The following FNBP4 variants were observed in gnomAD, a reference collection of about 807,000 sequenced individuals.
FNBP4 encodes the protein formin binding protein 4, also known as formin-binding protein 4.
A neutral mutation model predicts 119.3 loss-of-function variants in FNBP4; 34 were observed. The observed-to-expected ratio is 0.28, with a 90% CI of 0.22 to 0.38. FNBP4 has a LOEUF of 0.38. Ranked by LOEUF, FNBP4 falls within the 10% of genes least tolerant of loss-of-function variation. The pLI is 1.00. For missense variants in FNBP4, 1,112 were observed against 1,228.9 expected, an observed-to-expected ratio of 0.90 and a Z score of 1.42; for synonymous variants, 462 against 430.6, an observed-to-expected ratio of 1.07 and a Z score of -0.90.
Position 47,732,267 on chromosome 11 carries a change from C to A in FNBP4, c.1820+270G>T, listed in dbSNP as rs774577946. 1.1e-4 allele frequency: 143 copies of A among 1,278,698 alleles called. No homozygotes were observed. Among genetic ancestry groups the A allele is most frequent in the Non-Finnish European group, 1.4e-4 (140 of 1,007,446 alleles). 79.2% of individuals were successfully genotyped at this position (1,278,698 alleles called of 1,614,324 possible). A position where few individuals can be genotyped will look rare whatever the true frequency, so the allele number is the denominator to read the frequency against. ...GCATGCGCTTAACCCCCAAGCCCGC[C>A]CTACTCCGTGCAACACTCTGGAGAG... On this transcript the variant is annotated intron_variant, in intron 11 of 16. Transcript: ENST00000263773. This position sits in a 1 kb window ranked among gnomAD's most constrained non-coding sequence, Gnocchi z 4.2.
At chr11:47,728,978 A>T (rs765817044) in intron 12 of FNBP4, among the ~76,000 whole-genome samples, 1 of 150,572 alleles carries the variant, frequency 6.6e-6, no homozygotes, top group Non-Finnish European at 1.5e-5. Flanking sequence ...TCAGCCTCCG[A>T]GTAGCTGGGA....
At chr11:47,751,388 C>A in intron 4 of FNBP4, 98 bp from the exon 5 acceptor site, 3 of 1,404,432 alleles carry the variant, frequency 2.1e-6, no homozygotes, top group Non-Finnish European at 3.0e-6. Flanking sequence ...CTCAAAACAG[C>A]ACTGTTAACT....
At chr11:47,718,811 T>C (rs1037732697) in intron 16 of FNBP4, among the ~76,000 whole-genome samples, 1 of 151,968 alleles carries the variant, frequency 6.6e-6, no homozygotes, top group Non-Finnish European at 1.5e-5. Flanking sequence ...CTAAAGTCTT[T>C]AAAATTTCTA....
In FNBP4 at chr11:47,731,619, C is replaced by A. The variant is rs575955200; in HGVS notation, c.1821-58G>T. ...AACCCGTTCTCCTACAAAGACACTT[C>A]CATTTGGTCCTGTCCCAGGACAGCA... On this transcript the variant is annotated intron_variant, in intron 11 of 16. Coordinates refer to ENST00000263773, the MANE Select transcript of FNBP4 (RefSeq NM_015308.5). 300 of 1,549,646 alleles carry A rather than the reference C, an allele frequency of 1.9e-4. 1 individual carries two copies. Among genetic ancestry groups the A allele is most frequent in the Admixed American group, 2.6e-4 (13 of 49,824 alleles).
chr11:47,763,650 G>A (rs1244744373), intron 2 of FNBP4, among the ~76,000 whole-genome samples: 2 of 151,818 alleles, frequency 1.3e-5, no homozygotes, highest in African/African-American at 4.8e-5. Flanking sequence ...ACAGGCGCCC[G>A]CCACCACGCC....
In FNBP4 at chr11:47,723,162, A is replaced by T. The variant is rs1422183262; in HGVS notation, c.2619T>A (p.Ser873Arg). The change falls in exon 15 of 17, where the codon AGT becomes AGA. Residue 873 changes from serine to arginine, a missense_variant. Around this residue, in one of 2 missense-constraint regions of FNBP4, gnomAD observed 826 missense variants for 988.8 expected, o/e 0.84. Coordinates refer to ENST00000263773, the MANE Select transcript of FNBP4 (RefSeq NM_015308.5). ...LGLAAAPAIM[S>R]YAECSVPIGV... ...CAATTGGGACAGAACATTCTGCATA[A>T]CTCATAATTGCAGGTGCTGCCGCTA... 6.2e-7 allele frequency: 1 copy of T among 1,613,980 alleles called. No individual in the cohort carries two copies. Among genetic ancestry groups the T allele is most frequent in the Admixed American group, 1.7e-5 (1 of 59,984 alleles).
intron 8 of FNBP4, among the ~76,000 whole-genome samples, chr11:47,737,882 G>A (rs1047559692): frequency 2.6e-5 from 4 of 151,632 alleles, no homozygotes; most frequent in Admixed American, 1.3e-4. Flanking sequence ...AAGTAACTGG[G>A]ATTACAGGCA....
chr11:47,749,485 G>T (rs1347775182), intron 6 of FNBP4, among the ~76,000 whole-genome samples: 1 of 152,098 alleles, frequency 6.6e-6, no homozygotes, highest in Non-Finnish European at 1.5e-5. Context: ...GAAACTGGGA[G>T]GCGGAGGATG....
At chr11:47,734,983 C>CCG (rs1554979785) in intron 9 of FNBP4, among the ~76,000 whole-genome samples, 18 of 110,434 alleles carry the variant, frequency 1.6e-4, no homozygotes, top group African/African-American at 5.7e-4. Context: ...CCAACACCCC[C>CCG]CCCCCCAAAA....
intron 7 of FNBP4, among the ~76,000 whole-genome samples, chr11:47,744,527 C>T (rs1012096322): frequency 6.6e-6 from 1 of 152,040 alleles, no homozygotes; most frequent in African/African-American, 2.4e-5. Context: ...CTCCCAAAGT[C>T]CTGGGATTAC....
At chr11:47,726,079 C>T (rs1418376202) in intron 12 of FNBP4, 1 of 152,184 alleles carries the variant, frequency 6.6e-6, no homozygotes, top group South Asian at 2.1e-4. Context: ...AAAAATATCA[C>T]TTCACCTGGA....
chr11:47,725,595 G>A (rs1006747574), intron 12 of FNBP4: 6 of 160,012 alleles, frequency 3.7e-5, no homozygotes, highest in Non-Finnish European at 6.6e-5. Flanking sequence ...TGAAATTGCT[G>A]TTGCTGAAGT....
intron 1 of FNBP4, among the ~76,000 whole-genome samples, chr11:47,765,786 C>CA (rs956880045): frequency 1.3e-4 from 19 of 141,056 alleles, no homozygotes; most frequent in East Asian, 1.3e-3. Context: ...GACTCCATCT[C>CA]AAAAAAAAGA....
chr11:47,730,045 T>C (rs1268896429), intron 12 of FNBP4: 5 of 985,280 alleles, frequency 5.1e-6, no homozygotes, highest in Non-Finnish European at 4.8e-6. Context: ...GAAAACAGCT[T>C]AATACTCATC....
intron 11 of FNBP4, 77 bp from the exon 12 acceptor site, chr11:47,731,638 G>C (rs1243675011): frequency 2.0e-6 from 3 of 1,522,818 alleles, no homozygotes; most frequent in Admixed American, 2.2e-5. Context: ...CCTGTCCCAG[G>C]ACAGCAGTCT....
Position 47,719,282 on chromosome 11 carries a change from T to C in FNBP4, c.2963+647A>G, listed in dbSNP as rs2097552836. On this transcript the variant is annotated intron_variant, in intron 16 of 16. Transcript: ENST00000263773. ...CTCTGGGAGGCTGAGGTGCAATTACTTGAAGCCAGTTCTCCCTATCCTTTT... is the reference window on the plus strand; with the variant it reads ...CTCTGGGAGGCTGAGGTGCAATTACCTGAAGCCAGTTCTCCCTATCCTTTT... Among the ~76,000 whole-genome samples the C allele has an allele frequency of 2.0e-5, 3 of 152,230 alleles. No individual in the cohort carries two copies. The South Asian group carries it at 6.2e-4, about 31-fold the overall frequency.
intron 8 of FNBP4, among the ~76,000 whole-genome samples, chr11:47,741,760 G>A (rs2097582360): frequency 6.6e-6 from 1 of 151,862 alleles, no homozygotes; most frequent in Non-Finnish European, 1.5e-5. Context: ...AGGTTGCAGT[G>A]AGCTAAGATC....
At chr11:47,725,457 A>C (rs1475729944) in intron 12 of FNBP4, 1 of 152,246 alleles carries the variant, frequency 6.6e-6, no homozygotes, top group African/African-American at 2.4e-5. Flanking sequence ...TGCATACATT[A>C]CATTCATTTG....
Position 47,720,081 on chromosome 11 carries a change from CTTT to C in FNBP4, c.2808_2810del (p.Lys938del). 1.9e-6 allele frequency: 3 copies of C among 1,612,884 alleles called. No individual in the cohort carries two copies. Among genetic ancestry groups the C allele is most frequent in the Non-Finnish European group, 2.5e-6 (3 of 1,179,340 alleles). ...AAGATGGCATTTTGGTCTTACTCTT[CTTT>C]GCCTGTAACAAAGGTTAAAGGTCAA... On this transcript the variant is annotated inframe_deletion and splice_region_variant, in exon 16 of 17. Coordinates refer to ENST00000263773, the MANE Select transcript of FNBP4 (RefSeq NM_015308.5).
Sources: allele counts gnomAD v4.1 joint callset (sites outside exome capture counted in the v4.1 genomes callset), GRCh38; gene constraint gnomAD v4.1.1; regional missense constraint gnomAD v4.1.1; non-coding constraint Gnocchi (gnomAD v3.1); transcripts MANE v1.5; gene names NCBI Gene and HGNC (gene_info 2026-07-23, HGNC 2026-07-21).